Variants in TECRL observed in about 807,000 individuals in gnomAD.
TECRL encodes trans-2,3-enoyl-CoA reductase like, also known as trans-2,3-enoyl-CoA reductase-like.
A neutral mutation model predicts 52.8 loss-of-function variants in TECRL; 63 were observed. The observed-to-expected ratio is 1.19, with a 90% CI of 0.97 to 1.47. TECRL has a LOEUF of 1.47. TECRL is among the 40% of genes most tolerant of loss of function. TECRL has a pLI of 0.00. For missense variants in TECRL, 482 were observed against 429.6 expected (o/e 1.12, Z -1.08); for synonymous variants, 164 against 141.9 (o/e 1.16, Z -1.10).
intron 3 of TECRL, among the ~76,000 whole-genome samples, chr4:64,324,740 T>A (rs945295715): frequency 7.2e-5 from 11 of 152,082 alleles, no homozygotes; most frequent in African/African-American, 2.7e-4. Flanking sequence ...AGAAATTTCA[T>A]GTAAATTGAT....
chr4:64,364,213 A>G (rs1721431342), intron 2 of TECRL, among the ~76,000 whole-genome samples: 1 of 152,082 alleles, frequency 6.6e-6, no homozygotes, highest in South Asian at 2.1e-4. Context: ...CTTCAAAACT[A>G]GTGAAAACAA....
At chr4:64,355,179 A>G (rs73230431) in intron 2 of TECRL, among the ~76,000 whole-genome samples, 2,291 of 152,292 alleles carry the variant, frequency 0.015, 70 homozygotes, top group African/African-American at 0.052. Context: ...ATTATAAAAC[A>G]AAGAAGAATG....
chr4:64,289,616 T>C (rs971909869), intron 9 of TECRL, 94 bp downstream of exon 9: 1 of 972,516 alleles, frequency 1.0e-6, no homozygotes, highest in South Asian at 1.8e-5. Context: ...CAACTATTGA[T>C]ATTTTGATTT....
intron 1 of TECRL, among the ~76,000 whole-genome samples, chr4:64,407,297 C>T (rs1243552517): frequency 6.6e-6 from 1 of 151,952 alleles, no homozygotes; most frequent in African/African-American, 2.4e-5. Flanking sequence ...ACATGAGACT[C>T]CCATGCAAAA....
chr4:64,332,149 G>A (rs935811863), intron 2 of TECRL, among the ~76,000 whole-genome samples: 5 of 152,108 alleles, frequency 3.3e-5, no homozygotes, highest in Admixed American at 3.3e-4. Flanking sequence ...GTTTATATTG[G>A]AAGAAGAAGC....
intron 2 of TECRL, among the ~76,000 whole-genome samples, chr4:64,355,947 AT>A (rs1720742910): frequency 6.6e-6 from 1 of 152,154 alleles, no homozygotes; most frequent in Non-Finnish European, 1.5e-5. Flanking sequence ...AAGAAATTCC[AT>A]TTTGACCTGT....
rs772239502 is a variant in TECRL, at chr4:64,280,139, TTA to T, written c.1023_1024del (p.His341GlnfsTer13). 5 of 1,604,130 alleles carry T rather than the reference TTA, an allele frequency of 3.1e-6. No individual in the cohort carries two copies. Among genetic ancestry groups the T allele is most frequent in the South Asian group, 2.3e-5 (2 of 88,780 alleles). The stretch of plus-strand genomic sequence containing the variant: ...TGAATTGAATTTTCTCAGATAAATC[TTA>T]TGTTTCTTTTGTGCCCACAAAGACA... On this transcript the variant is annotated frameshift_variant, in exon 12 of 12. Coordinates refer to ENST00000381210, the MANE Select transcript of TECRL (RefSeq NM_001010874.5). LOFTEE classifies it high-confidence loss of function.
At chr4:64,393,311 C>G (rs1323791580) in intron 1 of TECRL, among the ~76,000 whole-genome samples, 1 of 151,976 alleles carries the variant, frequency 6.6e-6, no homozygotes, top group Non-Finnish European at 1.5e-5. Context: ...TGTGATCATA[C>G]CTAACTCCAA....
At chr4:64,398,008 G>A (rs980133317) in intron 1 of TECRL, among the ~76,000 whole-genome samples, 3 of 139,804 alleles carry the variant, frequency 2.1e-5, no homozygotes, top group African/African-American at 7.6e-5. Context: ...CCCAAACACT[G>A]TTTATAAACA....
At chr4:64,408,535 T>G (rs1283310362) in intron 1 of TECRL, among the ~76,000 whole-genome samples, 1 of 152,034 alleles carries the variant, frequency 6.6e-6, no homozygotes. Flanking sequence ...ACGAGTAACA[T>G]TTCAAAACAT....
chr4:64,282,808 C>T (rs1301569461), intron 9 of TECRL, among the ~76,000 whole-genome samples: 1 of 151,996 alleles, frequency 6.6e-6, no homozygotes, highest in African/African-American at 2.4e-5. Context: ...CAAGTATACA[C>T]AGTTGCTGTT....
At chr4:64,345,800 T>C (rs1221271519) in intron 2 of TECRL, among the ~76,000 whole-genome samples, 2 of 150,600 alleles carry the variant, frequency 1.3e-5, no homozygotes, top group African/African-American at 4.9e-5. Context: ...TTAACTGATA[T>C]AGAAGAACTG....
intron 8 of TECRL, among the ~76,000 whole-genome samples, chr4:64,298,004 T>C (rs1723781332): frequency 6.6e-6 from 1 of 151,200 alleles, no homozygotes; most frequent in South Asian, 2.1e-4. Flanking sequence ...AATTTGGTTT[T>C]CTATGGAATA....
intron 2 of TECRL, among the ~76,000 whole-genome samples, chr4:64,339,696 CT>C (rs1719412893): frequency 1.3e-5 from 2 of 152,032 alleles, no homozygotes; most frequent in Admixed American, 1.3e-4. Flanking sequence ...ATTCTCTGCT[CT>C]GCAACTCTTT....
At chr4:64,344,002 C>A (rs771205560) in intron 2 of TECRL, among the ~76,000 whole-genome samples, 18 of 151,530 alleles carry the variant, frequency 1.2e-4, no homozygotes, top group Admixed American at 5.3e-4. Context: ...GGGGTCTATC[C>A]CCACCCTCCC....
intron 8 of TECRL, among the ~76,000 whole-genome samples, 169 bp from the exon 9 acceptor site, chr4:64,289,936 A>G (rs1723288471): frequency 6.6e-6 from 1 of 152,188 alleles, no homozygotes; most frequent in African/African-American, 2.4e-5. Context: ...TAACAATGAA[A>G]GAAGTTCTTG....
At chr4:64,367,617 G>A (rs1443204201) in intron 2 of TECRL, among the ~76,000 whole-genome samples, 4 of 151,530 alleles carry the variant, frequency 2.6e-5, no homozygotes, top group Non-Finnish European at 4.4e-5. Flanking sequence ...CAATCACACT[G>A]AGTAGTCAAT....
intron 2 of TECRL, among the ~76,000 whole-genome samples, chr4:64,341,224 T>G (rs1457966754): frequency 6.6e-6 from 1 of 152,132 alleles, no homozygotes; most frequent in African/African-American, 2.4e-5. Context: ...CACCCTCCAC[T>G]TGTCTTCATA....
chr4:64,385,033 G>A (rs2109723807), intron 1 of TECRL, among the ~76,000 whole-genome samples: 1 of 152,248 alleles, frequency 6.6e-6, no homozygotes, highest in East Asian at 1.9e-4. Context: ...AATGGCCGTG[G>A]GTGGGGTGGA....
Sources: gnomAD v4.1 joint callset for allele counts (sites outside exome capture counted in the v4.1 genomes callset) on GRCh38, gnomAD v4.1.1 for gene constraint, MANE v1.5 for transcripts, NCBI Gene and HGNC (gene_info 2026-07-23, HGNC 2026-07-21) for gene names.